BIRC6: variants seen among roughly 807,000 people sequenced by gnomAD.
The protein encoded by BIRC6 is baculoviral IAP repeat containing 6, also known as dual E2 ubiquitin-conjugating enzyme/E3 ubiquitin-protein ligase BIRC6.
A neutral mutation model predicts 503.3 loss-of-function variants in BIRC6; 98 were observed. The ratio of observed to expected loss-of-function variants is 0.19; its 90% CI spans 0.17 to 0.23. The LOEUF is 0.23. BIRC6 is among the 10% of genes least tolerant of loss of function. The pLI is 1.00. For missense variants in BIRC6, 5,360 were observed against 5,806.0 expected (o/e 0.92, Z 2.50); for synonymous variants, 2,240 against 2,078.7 (o/e 1.08, Z -2.11).
rs2056741359 is a variant in BIRC6, at chr2:32,531,384, G to C, written c.12124G>C (p.Glu4042Gln). Residue 4042 changes from glutamate to glutamine, a missense_variant, in exon 61 of 74, where the codon GAA becomes CAA. Physicochemically the swap from Glu to Gln is conservative, Grantham distance 29. This residue lies in a region of BIRC6 where 878 missense variants were observed against 928.9 expected (regional missense o/e 0.95). Transcript: ENST00000421745. ...DHGDLLASCP[E>Q]DEALTPGDEC... ...TGGAGACTTACTTGCTAGCTGTCCA[G>C]AAGATGAGGCTCTCACTCCAGGTGA... 1 of 1,613,366 alleles carries C rather than the reference G, an allele frequency of 6.2e-7. No individual in the cohort carries two copies. The highest frequency in any genetic ancestry group is 8.5e-7 in the Non-Finnish European group (1 of 1,179,544).
chr2:32,485,644 C>T lies in BIRC6; in HGVS notation c.7698C>T (p.Ala2566=). ...SQTVSVSVSQ[A]LDARLEVGLE... ...TTTTCTTTCAATTGCTTTTTGTAGC[C>T]CTGGATGCTCGCCTAGAAGTTGGAC... Residue 2566 remains alanine, a splice_region_variant and synonymous_variant, in exon 40 of 74, where the codon GCC becomes GCT. Transcript: ENST00000421745. 1.2e-6 allele frequency: 2 copies of T among 1,606,428 alleles called. No homozygotes were observed. Among genetic ancestry groups the T allele is most frequent in the Admixed American group, 1.7e-5 (1 of 59,788 alleles).
chr2:32,477,431 G>C lies in BIRC6; in HGVS notation c.6916G>C (p.Glu2306Gln). 1 of 1,613,944 alleles carries C rather than the reference G, an allele frequency of 6.2e-7. No homozygotes were observed. ...AEWSRSNLDTEVTTAKESPEI... is the reference protein window; with the variant it reads ...AEWSRSNLDTQVTTAKESPEI... ...ATGGTCCCGTTCTAATTTAGACACAGAAGTTACAACAGCAAAAGAAAGTCC... is the reference window on the plus strand; with the variant it reads ...ATGGTCCCGTTCTAATTTAGACACACAAGTTACAACAGCAAAAGAAAGTCC... Residue 2306 changes from glutamate to glutamine, a missense_variant, in exon 35 of 74, where the codon GAA becomes CAA. By Grantham distance (29) the Glu-to-Gln change is conservative. Transcript: ENST00000421745.
intron 10 of BIRC6, among the ~76,000 whole-genome samples, chr2:32,418,466 G>C (rs1437126825): frequency 6.6e-6 from 1 of 152,186 alleles, no homozygotes; most frequent in Admixed American, 6.5e-5. Context: ...TCTTCCATCA[G>C]AGCACTTTAA....
Position 32,386,405 on chromosome 2 carries a change from G to A in BIRC6, c.646-2345G>A, listed in dbSNP as rs149668029. On this transcript the variant is annotated intron_variant, in intron 3 of 73. Transcript: ENST00000421745. ...TACAACAGTCCAGTAAAGGGGACGA[G>A]GTCATTTGATTACCTCTGTATCTTT... Among the ~76,000 whole-genome samples, 7 of 151,922 alleles carry A rather than the reference G, an allele frequency of 4.6e-5. No individual in the cohort carries two copies. The East Asian group carries it at 1.4e-3, about 29-fold the overall frequency.
intron 66 of BIRC6, among the ~76,000 whole-genome samples, chr2:32,588,226 G>A (rs190875313): frequency 2.1e-4 from 32 of 152,204 alleles, no homozygotes; most frequent in Admixed American, 3.9e-4. Context: ...GTGGTGGTAG[G>A]TGCCTGTAAT....
intron 23 of BIRC6, among the ~76,000 whole-genome samples, chr2:32,457,416 T>C (rs1022551331): frequency 1.3e-5 from 2 of 152,198 alleles, no homozygotes; most frequent in Non-Finnish European, 2.9e-5. Flanking sequence ...TTCCTCCTTT[T>C]CTGTTTTTAG....
Position 32,416,208 on chromosome 2 carries a change from A to G in BIRC6, c.2872+45A>G, listed in dbSNP as rs375232997. ...TATAAATCTTATAAAATCCATGTAT[A>G]TATGGCATTTGTTTATGTGCAAACC... On this transcript the variant is annotated intron_variant, in intron 10 of 73. Coordinates refer to ENST00000421745, the MANE Select transcript of BIRC6 (RefSeq NM_016252.4). 9.3e-6 allele frequency: 14 copies of G among 1,502,938 alleles called. No individual in the cohort carries two copies. The South Asian group carries it at 1.4e-4, about 15-fold the overall frequency. The allele number at this position is 1,502,938 out of a possible 1,614,324, so 93.1% of individuals were successfully genotyped here. A position where few individuals can be genotyped will look rare whatever the true frequency, so the allele number is the denominator to read the frequency against.
chr2:32,545,829 G>A lies in BIRC6; in HGVS notation c.12779G>A (p.Arg4260Gln), dbSNP rs1408209860. The A allele has an allele frequency of 6.2e-6, 10 of 1,613,560 alleles. No homozygotes were observed. Among genetic ancestry groups the A allele is most frequent in the East Asian group, 4.5e-5 (2 of 44,874 alleles). The change falls in exon 63 of 74, where the codon CGA becomes CAA. Residue 4260 changes from arginine (R) to glutamine (Q), a missense_variant. This residue lies in a region of BIRC6 where 477 missense variants were observed against 574.4 expected (regional missense o/e 0.83). Transcript: ENST00000421745. ...CLSALSHHSP[R>Q]VPNSSVNQTE... ...TCTGCTTTGAGCCACCATTCCCCAC[G>A]AGTTCCAAACTCTAGCGTGAATCAA...
chr2:32,551,150 T>C (rs575162941), intron 65 of BIRC6, among the ~76,000 whole-genome samples: 146 of 151,902 alleles, frequency 9.6e-4, no homozygotes, highest in Admixed American at 1.4e-3. Flanking sequence ...ATATTAAATA[T>C]GGATTGTTTT....
intron 10 of BIRC6, among the ~76,000 whole-genome samples, chr2:32,424,602 C>T (rs1369500591): frequency 6.6e-6 from 1 of 151,664 alleles, no homozygotes; most frequent in Non-Finnish European, 1.5e-5. Flanking sequence ...GCAACCTTTG[C>T]CTCCCCGGCT....
chr2:32,519,136 C>T (rs1572769014), intron 57 of BIRC6, 190 bp downstream of exon 57: 1 of 540,642 alleles, frequency 1.8e-6, no homozygotes, highest in Admixed American at 3.4e-5. Context: ...CTTTTAGGCA[C>T]CCCTAATTTT....
At chr2:32,594,833 T>C (rs761400142) in intron 67 of BIRC6, among the ~76,000 whole-genome samples, 14 of 152,226 alleles carry the variant, frequency 9.2e-5, no homozygotes, top group Non-Finnish European at 1.0e-4. Context: ...TTTTGCTTTA[T>C]TGTTATGTTT....
At chr2:32,554,933 C>G (rs1228089393) in intron 65 of BIRC6, among the ~76,000 whole-genome samples, 2 of 151,944 alleles carry the variant, frequency 1.3e-5, no homozygotes, top group South Asian at 2.1e-4. Context: ...AGTTGGAAAC[C>G]TAGCCATCTT....
At chr2:32,520,602 C>G (rs1572778323) in intron 57 of BIRC6, among the ~76,000 whole-genome samples, 1 of 152,230 alleles carries the variant, frequency 6.6e-6, no homozygotes, top group Non-Finnish European at 1.5e-5. Flanking sequence ...TGGATCACCT[C>G]AGGTCAGGAG....
At chr2:32,372,425 C>T (rs1397059509) in intron 1 of BIRC6, among the ~76,000 whole-genome samples, 1 of 152,200 alleles carries the variant, frequency 6.6e-6, no homozygotes, top group Non-Finnish European at 1.5e-5. Flanking sequence ...GCTGCTTGCA[C>T]TTAGCATGAT....
chr2:32,453,181 G>T (rs1021524649), intron 22 of BIRC6, among the ~76,000 whole-genome samples: 1 of 151,892 alleles, frequency 6.6e-6, no homozygotes, highest in Non-Finnish European at 1.5e-5. Flanking sequence ...TCTTGCTGTG[G>T]TTTTATTGGT....
rs749547023 is a variant in BIRC6, at chr2:32,597,980, T to C, written c.13830+12T>C. ...TTGATATCATGAAGGTAAAAAATAA[T>C]GATAATAAAGCACTCTCCCTTATCT... is the stretch of plus-strand genomic sequence containing the variant. On this transcript the variant is annotated intron_variant, in intron 69 of 73. Coordinates refer to ENST00000421745, the MANE Select transcript of BIRC6 (RefSeq NM_016252.4). 6.3e-7 allele frequency: 1 copy of C among 1,597,662 alleles called. No homozygotes were observed. Among genetic ancestry groups the C allele is most frequent in the African/African-American group, 1.3e-5 (1 of 74,882 alleles).
intron 50 of BIRC6, among the ~76,000 whole-genome samples, chr2:32,506,363 T>C (rs554355133): frequency 2.0e-5 from 3 of 152,340 alleles, no homozygotes; most frequent in African/African-American, 7.2e-5. Flanking sequence ...ATTAGACTGA[T>C]ATAGCTTAAT....
chr2:32,555,441 C>G (rs2058707020), intron 65 of BIRC6, among the ~76,000 whole-genome samples: 2 of 151,778 alleles, frequency 1.3e-5, no homozygotes, highest in South Asian at 4.2e-4. Context: ...GACATCGAGC[C>G]CAGCCTGACC....
Sources: allele counts gnomAD v4.1 joint callset (sites outside exome capture counted in the v4.1 genomes callset), GRCh38; gene constraint gnomAD v4.1.1; regional missense constraint gnomAD v4.1.1; transcripts MANE v1.5; gene names NCBI Gene and HGNC (gene_info 2026-07-23, HGNC 2026-07-21).